The following PRKD1 variants were observed in gnomAD, a reference collection of about 807,000 sequenced individuals.
PRKD1 encodes serine/threonine-protein kinase D1.
A neutral mutation model predicts 95.9 loss-of-function variants in PRKD1; 63 were observed. The observed-to-expected ratio is 0.66, with a 90% CI of 0.54 to 0.81. The LOEUF (loss-of-function observed/expected upper bound fraction) is 0.81, where lower values mean the gene tolerates loss of function less well. Among genes scored for constraint, PRKD1 ranks in the 30% least tolerant of loss-of-function variants. PRKD1 has a pLI of 0.00. For missense variants in PRKD1, 1,048 were observed against 1,165.3 expected, an observed-to-expected ratio of 0.90 and a Z score of 1.47; for synonymous variants, 425 against 423.1, an observed-to-expected ratio of 1.00 and a Z score of -0.05.
At chr14:29,705,924 A>G (rs528908365) in intron 2 of PRKD1, among the ~76,000 whole-genome samples, 1 of 152,248 alleles carries the variant, frequency 6.6e-6, no homozygotes, top group East Asian at 1.9e-4. Flanking sequence ...GCTACTATGA[A>G]TATTTGTGTA....
At chr14:29,776,825 T>C (rs925939751) in intron 1 of PRKD1, among the ~76,000 whole-genome samples, 2 of 151,854 alleles carry the variant, frequency 1.3e-5, no homozygotes, top group African/African-American at 4.8e-5. Flanking sequence ...GAAGAGCAAC[T>C]CCAAGACACA....
intron 1 of PRKD1, among the ~76,000 whole-genome samples, chr14:29,739,829 CCTT>C (rs1324724109): frequency 3.3e-5 from 5 of 152,120 alleles, no homozygotes; most frequent in Non-Finnish European, 7.4e-5. Flanking sequence ...TTGGCAAAAA[CCTT>C]CTTTTATTTT....
chr14:29,865,081 C>A (rs1439610769), intron 1 of PRKD1, among the ~76,000 whole-genome samples: 2 of 152,114 alleles, frequency 1.3e-5, no homozygotes, highest in Non-Finnish European at 2.9e-5. Context: ...AAAACTGCTA[C>A]CAATGTATAT....
rs1343623139 is a variant in PRKD1 at position 29,927,235 on chromosome 14, G to C, written c.264+14C>G. ...GCGGGGAGGCGCCGGGCTGGCAGCG[G>C]TGCGGCGACTTACCTTCTGGTCGAC... On this transcript the variant is annotated intron_variant, in intron 1 of 17. Coordinates refer to ENST00000331968, the MANE Select transcript of PRKD1 (RefSeq NM_002742.3). 2.7e-6 allele frequency: 4 copies of C among 1,487,688 alleles called. No individual in the cohort carries two copies. The Admixed American group carries it at 9.4e-5, about 35-fold the overall frequency. 92.2% of individuals were successfully genotyped at this position (1,487,688 alleles called of 1,614,324 possible). A position where few individuals can be genotyped will look rare whatever the true frequency, so the allele number is the denominator to read the frequency against.
intron 1 of PRKD1, among the ~76,000 whole-genome samples, chr14:29,881,139 G>A (rs965355432): frequency 6.6e-6 from 1 of 152,160 alleles, no homozygotes; most frequent in South Asian, 2.1e-4. Context: ...TGATTTGGCT[G>A]TTTCCCCACC....
At chr14:29,793,928 T>C (rs1486157703) in intron 1 of PRKD1, among the ~76,000 whole-genome samples, 1 of 152,054 alleles carries the variant, frequency 6.6e-6, no homozygotes, top group Non-Finnish European at 1.5e-5. Flanking sequence ...TCATGAGCTG[T>C]GTTCTGAATT....
intron 3 of PRKD1, 83 bp downstream of exon 3, chr14:29,665,994 G>C (rs968141978): frequency 1.4e-6 from 2 of 1,398,032 alleles, no homozygotes; most frequent in Non-Finnish European, 1.9e-6. Flanking sequence ...TAGCTTTTAC[G>C]TATCTTTGCA....
intron 13 of PRKD1, among the ~76,000 whole-genome samples, chr14:29,614,407 C>T (rs1878702184): frequency 6.6e-6 from 1 of 151,922 alleles, no homozygotes; most frequent in Non-Finnish European, 1.5e-5. Context: ...TCAGCTCCTA[C>T]ATTTTAAAAA....
chr14:29,580,792 T>C (rs1052795580), intron 16 of PRKD1, among the ~76,000 whole-genome samples: 1 of 152,158 alleles, frequency 6.6e-6, no homozygotes, highest in Non-Finnish European at 1.5e-5. Flanking sequence ...ACAATATTCA[T>C]GTAATAAAAT....
At chr14:29,681,714 C>A (rs923321563) in intron 2 of PRKD1, among the ~76,000 whole-genome samples, 1 of 152,168 alleles carries the variant, frequency 6.6e-6, no homozygotes, top group Non-Finnish European at 1.5e-5. Context: ...AGTAACTATA[C>A]ACTTAAATAT....
intron 10 of PRKD1, 164 bp downstream of exon 10, chr14:29,630,578 T>C: frequency 1.3e-6 from 1 of 763,084 alleles, no homozygotes. Context: ...CATCTTAGTA[T>C]GTGCAGCAGC....
intron 1 of PRKD1, among the ~76,000 whole-genome samples, chr14:29,805,175 A>T (rs1258730153): frequency 6.6e-6 from 1 of 152,204 alleles, no homozygotes; most frequent in Non-Finnish European, 1.5e-5. Context: ...GGTATTGACC[A>T]TGCTGCTATT....
intron 1 of PRKD1, among the ~76,000 whole-genome samples, chr14:29,908,769 A>G (rs971215476): frequency 6.6e-6 from 1 of 152,210 alleles, no homozygotes; most frequent in Non-Finnish European, 1.5e-5. Flanking sequence ...TTTCATTTCC[A>G]GAGGAAGATA....
chr14:29,634,929 G>A (rs761585445), intron 7 of PRKD1, among the ~76,000 whole-genome samples: 1 of 152,060 alleles, frequency 6.6e-6, no homozygotes, highest in African/African-American at 2.4e-5. Flanking sequence ...CAGCTACTTG[G>A]GAAGCTGAGG....
At position 29,634,541 on chromosome 14, in the gene PRKD1, A is replaced by T. The variant is rs1880242597; in HGVS notation, c.1191T>A (p.Ser397Arg). Residue 397 changes from serine to arginine, a missense_variant and splice_region_variant, in exon 8 of 18, where the codon AGT (serine) becomes AGA (arginine). Coordinates refer to ENST00000331968, the MANE Select transcript of PRKD1 (RefSeq NM_002742.3). Reference protein sequence around the residue: ...PDHEDANRTISPSTSNNIPLM... With the variant: ...PDHEDANRTIRPSTSNNIPLM... ...GTGGGATATTGTTGCTTGTTGATGG[A>T]CTTGAGAAGTCAAAATATTGTAGGG... 1 of 1,613,792 alleles carries T rather than the reference A, an allele frequency of 6.2e-7. No homozygotes were observed.
At chr14:29,655,498 C>T (rs1881780859) in intron 4 of PRKD1, among the ~76,000 whole-genome samples, 2 of 151,962 alleles carry the variant, frequency 1.3e-5, no homozygotes, top group African/African-American at 2.4e-5. Context: ...ATTTATAGTC[C>T]CATGAGGGAA....
At chr14:29,826,002 A>T (rs1891092503) in intron 1 of PRKD1, among the ~76,000 whole-genome samples, 2 of 151,814 alleles carry the variant, frequency 1.3e-5, no homozygotes. Flanking sequence ...TATGCAAAAA[A>T]GATACTGGTA....
chr14:29,779,393 G>A (rs1173792002), intron 1 of PRKD1, among the ~76,000 whole-genome samples: 11 of 152,238 alleles, frequency 7.2e-5, no homozygotes, highest in Admixed American at 2.6e-4. Flanking sequence ...AAACCCCATC[G>A]TCTCAGCCCC....
At chr14:29,723,981 A>C (rs1886024133) in intron 2 of PRKD1, among the ~76,000 whole-genome samples, 1 of 152,094 alleles carries the variant, frequency 6.6e-6, no homozygotes, top group Non-Finnish European at 1.5e-5. Context: ...GAAGTTCTCA[A>C]TTTGCAAAGA....
Sources: allele counts gnomAD v4.1 joint callset (sites outside exome capture counted in the v4.1 genomes callset), GRCh38; gene constraint gnomAD v4.1.1; transcripts MANE v1.5; gene names NCBI Gene and HGNC (gene_info 2026-07-23, HGNC 2026-07-21).